CSMD1: variants seen among roughly 807,000 people sequenced by gnomAD.
CSMD1 encodes the protein CUB and Sushi multiple domains 1.
A neutral mutation model predicts 417.5 loss-of-function variants in CSMD1; 213 were observed. The observed-to-expected ratio is 0.51, with a 90% CI of 0.46 to 0.57. CSMD1 has a LOEUF of 0.57. CSMD1 is among the 20% of genes least tolerant of loss of function. The pLI, the probability that CSMD1 is intolerant of heterozygous loss-of-function variation, is 0.00. For missense variants in CSMD1, 6,923 were observed against 4,529.7 expected (o/e 1.53, Z -15.17); for synonymous variants, 2,862 against 1,736.8 (o/e 1.65, Z -16.11).
intron 5 of CSMD1, among the ~76,000 whole-genome samples, chr8:3,858,437 T>C (rs1585099874): frequency 6.6e-6 from 1 of 152,220 alleles, no homozygotes; most frequent in East Asian, 1.9e-4. Context: ...TTAATCTATG[T>C]TTCATTTAAG....
intron 1 of CSMD1, among the ~76,000 whole-genome samples, chr8:4,954,837 T>C (rs931170503): frequency 2.6e-5 from 4 of 152,192 alleles, no homozygotes; most frequent in Non-Finnish European, 5.9e-5. Context: ...ACTTTTGCTT[T>C]TGGTGTTGAC....
chr8:3,435,118 A>C (rs1400383342), intron 12 of CSMD1, among the ~76,000 whole-genome samples: 3 of 152,022 alleles, frequency 2.0e-5, no homozygotes, highest in African/African-American at 7.2e-5. Context: ...GCACACCCCT[A>C]CTTCACTCAC....
rs146735017 is a variant in CSMD1, at chr8:3,079,197, T to C, written c.7474+7900A>G. ...CAAGGGCAACTGGGATAAACCTCAT[T>C]TTACAATATACTTGATGGGAGTTGG... On this transcript the variant is annotated intron_variant, in intron 49 of 69. Transcript: ENST00000635120. Among the ~76,000 whole-genome samples the C allele has an allele frequency of 6.4e-3, 969 of 152,258 alleles. 9 individuals are homozygous for C. Among genetic ancestry groups the C allele is most frequent in the Middle Eastern group, 0.02 (6 of 294 alleles).
chr8:3,836,558 G>A (rs1343249279), intron 5 of CSMD1, among the ~76,000 whole-genome samples: 3 of 152,130 alleles, frequency 2.0e-5, no homozygotes, highest in Non-Finnish European at 1.5e-5. Context: ...AGTCAGAAAA[G>A]TGGTGATATT....
At chr8:4,905,314 G>A (rs886188529) in intron 1 of CSMD1, among the ~76,000 whole-genome samples, 4 of 152,166 alleles carry the variant, frequency 2.6e-5, no homozygotes, top group Non-Finnish European at 4.4e-5. Context: ...ATAACTCGCT[G>A]TGTCAAGTAA....
intron 46 of CSMD1, 65 bp from the exon 47 acceptor site, chr8:3,097,102 T>A (rs1212855320): frequency 9.6e-6 from 12 of 1,249,132 alleles, no homozygotes; most frequent in African/African-American, 1.5e-5. Flanking sequence ...ATAGGATAGT[T>A]TCTATCCCTG....
chr8:3,377,495 C>T (rs768565206), intron 18 of CSMD1, among the ~76,000 whole-genome samples: 19 of 152,066 alleles, frequency 1.2e-4, no homozygotes, highest in Non-Finnish European at 2.1e-4. Flanking sequence ...TGGAAAATGC[C>T]ACCCATATAA....
chr8:3,289,502 G>T (rs185587340), intron 25 of CSMD1, among the ~76,000 whole-genome samples: 2 of 146,266 alleles, frequency 1.4e-5, no homozygotes, highest in African/African-American at 5.5e-5. Flanking sequence ...TTCCTGACTT[G>T]TTAATGATCG....
In CSMD1 at chr8:2,936,370, A is replaced by ATATAT. The variant is rs1554465599; in HGVS notation, c.*2214_*2215insATATA. 6.8e-6 allele frequency: 1 copy of ATATAT among 146,276 alleles called. No homozygotes were observed. The highest frequency in any genetic ancestry group is 2.5e-5 in the African/African-American group (1 of 39,946). 9.1% of individuals were successfully genotyped at this position (146,276 alleles called of 1,614,324 possible). ...GAATGACTCAAACTTAGATATGTAC[A>ATATAT]ATATATATATATATATATGTATGTA... On this transcript the variant is annotated 3_prime_UTR_variant, in exon 70 of 70. Transcript: ENST00000635120.
At chr8:4,894,840 T>G (rs956163590) in intron 1 of CSMD1, among the ~76,000 whole-genome samples, 11 of 152,102 alleles carry the variant, frequency 7.2e-5, no homozygotes, top group African/African-American at 2.4e-4. Context: ...TGCTTTTGAA[T>G]TTTTATTAAG....
intron 1 of CSMD1, among the ~76,000 whole-genome samples, chr8:4,659,435 C>A (rs1804445283): frequency 6.6e-6 from 1 of 152,116 alleles, no homozygotes; most frequent in African/African-American, 2.4e-5. Flanking sequence ...GTGACATAGA[C>A]TTGCAGTGGA....
rs1162930107 is a variant in CSMD1 at position 3,940,608 on chromosome 8, C to T, written c.818+57295G>A. Among the ~76,000 whole-genome samples, 3 of 151,072 alleles carry T rather than the reference C, an allele frequency of 2.0e-5. No individual in the cohort carries two copies. In the East Asian group the frequency reaches 5.8e-4, roughly 29 times the overall value. ...ACAACAACAAAAAAGAACATATACA[C>T]CACAACACTGCCAATCAATATGTAA... On this transcript the variant is annotated intron_variant, in intron 5 of 69. Coordinates refer to ENST00000635120, the MANE Select transcript of CSMD1 (RefSeq NM_033225.6).
chr8:4,154,912 C>G (rs1007297580), intron 3 of CSMD1, among the ~76,000 whole-genome samples: 4 of 152,162 alleles, frequency 2.6e-5, no homozygotes, highest in African/African-American at 9.7e-5. Context: ...ATACATTTTT[C>G]TAAATTCCAA....
chr8:4,576,251 T>A (rs1389809436), intron 2 of CSMD1, among the ~76,000 whole-genome samples: 1 of 152,208 alleles, frequency 6.6e-6, no homozygotes, highest in Non-Finnish European at 1.5e-5. Flanking sequence ...CCCTTCTAGT[T>A]CCTCTACAAA....
intron 1 of CSMD1, among the ~76,000 whole-genome samples, chr8:4,796,604 A>G (rs1203929723): frequency 6.6e-6 from 1 of 152,010 alleles, no homozygotes; most frequent in Non-Finnish European, 1.5e-5. Flanking sequence ...CGGCTCCAAG[A>G]CCACTGATTA....
At chr8:4,003,427 T>TAAAC (rs1485700309) in intron 4 of CSMD1, among the ~76,000 whole-genome samples, 1 of 150,456 alleles carries the variant, frequency 6.6e-6, no homozygotes, top group African/African-American at 2.4e-5. Context: ...AACAAATAAA[T>TAAAC]AAATAAATAA....
intron 5 of CSMD1, among the ~76,000 whole-genome samples, chr8:3,850,400 A>G (rs1460310732): frequency 1.3e-5 from 2 of 152,192 alleles, no homozygotes; most frequent in Admixed American, 6.5e-5. Context: ...TCAACTCCTC[A>G]AAATTCGCAT....
chr8:4,210,484 A>T (rs1203131395), intron 3 of CSMD1, among the ~76,000 whole-genome samples: 1 of 152,194 alleles, frequency 6.6e-6, no homozygotes, highest in East Asian at 1.9e-4. Flanking sequence ...AACAGACAAT[A>T]ATTCAGGAAA....
intron 1 of CSMD1, among the ~76,000 whole-genome samples, chr8:4,751,100 T>C (rs1306440847): frequency 2.0e-5 from 3 of 152,142 alleles, no homozygotes; most frequent in African/African-American, 4.8e-5. Flanking sequence ...AGAGAGCATG[T>C]CTGCCTGGGA....
Sources: allele counts gnomAD v4.1 joint callset (sites outside exome capture counted in the v4.1 genomes callset), GRCh38; gene constraint gnomAD v4.1.1; transcripts MANE v1.5; gene names NCBI Gene and HGNC (gene_info 2026-07-23, HGNC 2026-07-21).